CTDP1: variants seen among roughly 807,000 people sequenced by gnomAD.
CTDP1 encodes RNA polymerase II subunit A C-terminal domain phosphatase.
A neutral mutation model predicts 91.8 loss-of-function variants in CTDP1; 47 were observed. That is an observed-to-expected ratio of 0.51 (90% CI 0.41 to 0.65). The LOEUF (loss-of-function observed/expected upper bound fraction) is 0.65, where lower values mean the gene tolerates loss of function less well. Among genes scored for constraint, CTDP1 ranks in the 30% least tolerant of loss-of-function variants. The pLI, the probability that CTDP1 is intolerant of heterozygous loss-of-function variation, is 0.00. For synonymous variants in CTDP1, 656 were observed against 598.5 expected, an observed-to-expected ratio of 1.10 and a Z score of -1.40; for missense variants, 1,272 against 1,373.7, an observed-to-expected ratio of 0.93 and a Z score of 1.17.
intron 4 of CTDP1, among the ~76,000 whole-genome samples, chr18:79,704,144 G>A (rs1257146299): frequency 2.0e-5 from 3 of 152,316 alleles, no homozygotes; most frequent in South Asian, 2.1e-4. Context: ...AGAGAAGGCC[G>A]CACTCACTCA....
chr18:79,701,203 C>T (rs1328489678), intron 4 of CTDP1, among the ~76,000 whole-genome samples: 2 of 152,098 alleles, frequency 1.3e-5, no homozygotes, highest in Non-Finnish European at 2.9e-5. Context: ...AGCTTCAAGT[C>T]TTATTATTTA....
chr18:79,743,007 C>T (rs2086809353), intron 12 of CTDP1, among the ~76,000 whole-genome samples: 1 of 152,218 alleles, frequency 6.6e-6, no homozygotes. Context: ...GGGCCCATAC[C>T]ATGTGGAGAT....
intron 12 of CTDP1, among the ~76,000 whole-genome samples, chr18:79,750,232 T>C (rs551221053): frequency 6.6e-6 from 1 of 151,600 alleles, no homozygotes; most frequent in Non-Finnish European, 1.5e-5. Context: ...CAGGCTGGAG[T>C]GCAGTGTTGC....
chr18:79,687,570 T>A (rs1201034151), intron 1 of CTDP1, among the ~76,000 whole-genome samples: 5 of 150,122 alleles, frequency 3.3e-5, no homozygotes, highest in Admixed American at 6.6e-5. Context: ...GCAGTTGGCT[T>A]CTCCAGTTCA....
At chr18:79,694,063 C>T (rs190722515) in intron 1 of CTDP1, among the ~76,000 whole-genome samples, 10 of 152,344 alleles carry the variant, frequency 6.6e-5, no homozygotes, top group African/African-American at 1.4e-4. Flanking sequence ...TGGGGCATCC[C>T]GCCTGGAAAG....
chr18:79,711,152 GTA>G (rs2086076130), intron 6 of CTDP1, among the ~76,000 whole-genome samples: 1 of 152,168 alleles, frequency 6.6e-6, no homozygotes, highest in African/African-American at 2.4e-5. Context: ...CTGACGTTGT[GTA>G]TCTGTCATCC....
intron 2 of CTDP1, 105 bp downstream of exon 2, chr18:79,695,413 C>T (rs1404102758): frequency 8.7e-6 from 9 of 1,035,532 alleles, no homozygotes; most frequent in Admixed American, 1.8e-5. Context: ...CCTTGGTTTC[C>T]CAGCGGCAGA....
At chr18:79,741,691 A>G (rs910241762) in intron 12 of CTDP1, among the ~76,000 whole-genome samples, 1 of 152,238 alleles carries the variant, frequency 6.6e-6, no homozygotes, top group African/African-American at 2.4e-5. Context: ...GTGTGTGGTC[A>G]GCCTGCGTGG....
upstream of CTDP1, chr18:79,678,281 C>T (rs569320294): frequency 1.3e-5 from 2 of 152,356 alleles, no homozygotes; most frequent in Admixed American, 1.3e-4. Context: ...CCTCTTTAAA[C>T]TGCTACTGGT....
chr18:79,718,399 C>T (rs1406845530), intron 10 of CTDP1, among the ~76,000 whole-genome samples: 1 of 152,208 alleles, frequency 6.6e-6, no homozygotes, highest in East Asian at 1.9e-4. Flanking sequence ...TCCGCCGGCT[C>T]CACGTTTGCT....
chr18:79,712,191 A>C (rs1460856880), intron 6 of CTDP1, among the ~76,000 whole-genome samples: 1 of 152,232 alleles, frequency 6.6e-6, no homozygotes, highest in East Asian at 1.9e-4. Flanking sequence ...GAATGGGGAC[A>C]TGCCCAGGAT....
At position 79,714,766 on chromosome 18, in the gene CTDP1, G is replaced by A. The variant is rs761858971; in HGVS notation, c.1306G>A (p.Ala436Thr). Residue 436 changes from alanine to threonine, a missense_variant, in exon 8 of 13, where the codon GCA becomes ACA. By Grantham distance (58) the Ala-to-Thr change is moderately conservative (BLOSUM62 0). This residue lies in a region of CTDP1 where 881 missense variants were observed against 911.6 expected (regional missense o/e 0.97). Coordinates refer to ENST00000613122, the MANE Select transcript of CTDP1 (RefSeq NM_004715.5). ...QGSCAQGGRV[A>T]PGQRPAQGAT... is the part of the protein sequence containing the mutation. The stretch of plus-strand genomic sequence containing the variant: ...ATCCTGTGCGCAGGGTGGCCGGGTG[G>A]CACCGGGACAGCGGCCTGCCCAGGG... The A allele has an allele frequency of 2.2e-5, 35 of 1,602,412 alleles. No homozygotes were observed. Among genetic ancestry groups the A allele is most frequent in the Admixed American group, 3.5e-5 (2 of 57,912 alleles).
intron 10 of CTDP1, among the ~76,000 whole-genome samples, chr18:79,722,729 C>T (rs768062277): frequency 2.0e-5 from 3 of 152,172 alleles, no homozygotes; most frequent in Non-Finnish European, 2.9e-5. Context: ...ATTGATGAAA[C>T]GACCTACTTA....
intron 6 of CTDP1, 48 bp from the exon 7 acceptor site, chr18:79,712,924 A>G (rs746819776): frequency 1.9e-6 from 3 of 1,595,094 alleles, no homozygotes; most frequent in Non-Finnish European, 2.6e-6. Flanking sequence ...ATGAATGACT[A>G]CAACTTTTCA....
intron 3 of CTDP1, among the ~76,000 whole-genome samples, chr18:79,696,508 T>C (rs1215585229): frequency 2.0e-5 from 3 of 149,610 alleles, no homozygotes; most frequent in Non-Finnish European, 4.4e-5. Flanking sequence ...TGGCGAGGAG[T>C]CGGTGGCCGG....
chr18:79,735,999 G>T, intron 11 of CTDP1: 1 of 282,938 alleles, frequency 3.5e-6, no homozygotes, highest in Non-Finnish European at 7.0e-6. Context: ...CAGGAGTCTT[G>T]CTGTGAATCT....
intron 4 of CTDP1, among the ~76,000 whole-genome samples, chr18:79,699,204 G>C (rs2085807100): frequency 6.6e-6 from 1 of 152,238 alleles, no homozygotes; most frequent in African/African-American, 2.4e-5. Context: ...AGTATAAACT[G>C]TGACTAGATA....
upstream of CTDP1, chr18:79,679,287 G>T (rs1034694826): frequency 3.9e-5 from 16 of 408,300 alleles, no homozygotes; most frequent in Non-Finnish European, 5.5e-5. Context: ...GTGGGGTCCG[G>T]GGGGGGACAC....
intron 12 of CTDP1, among the ~76,000 whole-genome samples, chr18:79,746,369 C>T (rs1006894582): frequency 6.6e-6 from 1 of 151,788 alleles, no homozygotes; most frequent in African/African-American, 2.4e-5. Context: ...CCCTCCCATG[C>T]GCGTTCTGTC....
Sources: gnomAD v4.1 joint callset for allele counts (sites outside exome capture counted in the v4.1 genomes callset) on GRCh38, gnomAD v4.1.1 for gene constraint, gnomAD v4.1.1 regional missense constraint, MANE v1.5 for transcripts, NCBI Gene and HGNC (gene_info 2026-07-23, HGNC 2026-07-21) for gene names.